The following SLC12A8 variants were observed in gnomAD, a reference collection of about 807,000 sequenced individuals.
The protein encoded by SLC12A8 is cation-chloride cotransporter 9.
A neutral mutation model predicts 75.6 loss-of-function variants in SLC12A8; 69 were observed. That is an observed-to-expected ratio of 0.91 (90% CI 0.75 to 1.11). The LOEUF (loss-of-function observed/expected upper bound fraction) is 1.11. Ranked by LOEUF, SLC12A8 falls within the 50% of genes most tolerant of loss-of-function variation. The probability of loss-of-function intolerance (pLI) is 0.00; values close to 1 mark genes in which losing one functional copy is unlikely to be tolerated. For missense variants in SLC12A8, 877 were observed against 896.7 expected (o/e 0.98, Z 0.28); for synonymous variants, 365 against 372.8 (o/e 0.98, Z 0.24).
At chr3:125,125,870 A>T in intron 6 of SLC12A8, 2 of 907,670 alleles carry the variant, frequency 2.2e-6, no homozygotes, top group Non-Finnish European at 2.6e-6. Flanking sequence ...ATGTGGGGTT[A>T]CATACCCACA....
intron 6 of SLC12A8, among the ~76,000 whole-genome samples, chr3:125,126,890 CT>C (rs5852442): frequency 0.018 from 2,674 of 147,586 alleles, 26 homozygotes; most frequent in Non-Finnish European, 0.027. Flanking sequence ...CATCTGCTGC[CT>C]TTTTTTTTTT....
intron 5 of SLC12A8, among the ~76,000 whole-genome samples, chr3:125,172,259 C>A (rs1447382110): frequency 1.5e-5 from 2 of 132,802 alleles, no homozygotes; most frequent in African/African-American, 5.7e-5. Context: ...GGGTGACAAG[C>A]ACAAAACTCC....
At chr3:125,102,678 A>G (rs948666145) in intron 10 of SLC12A8, among the ~76,000 whole-genome samples, 4 of 152,212 alleles carry the variant, frequency 2.6e-5, no homozygotes, top group African/African-American at 4.8e-5. Flanking sequence ...GCAGCTGGAC[A>G]GCGACCACTT....
intron 10 of SLC12A8, among the ~76,000 whole-genome samples, chr3:125,106,586 G>A (rs1939031414): frequency 6.6e-6 from 1 of 152,154 alleles, no homozygotes; most frequent in South Asian, 2.1e-4. Flanking sequence ...TGTATTTTTA[G>A]TAGAGACAAG....
chr3:125,194,137 A>G (rs1183719056), intron 2 of SLC12A8, among the ~76,000 whole-genome samples: 1 of 152,220 alleles, frequency 6.6e-6, no homozygotes, highest in Non-Finnish European at 1.5e-5. Flanking sequence ...AGCATAAAAC[A>G]TGCCTGAGGG....
chr3:125,128,477 GCC>G (rs1328312486), intron 6 of SLC12A8, among the ~76,000 whole-genome samples: 2 of 116,162 alleles, frequency 1.7e-5, no homozygotes, highest in Admixed American at 1.9e-4. Flanking sequence ...ACCGCGCCCG[GCC>G]TTTTTTTTTT....
intron 13 of SLC12A8, among the ~76,000 whole-genome samples, chr3:125,084,899 T>G (rs1399887223): frequency 6.6e-6 from 1 of 152,234 alleles, no homozygotes; most frequent in Non-Finnish European, 1.5e-5. Flanking sequence ...CTTAAAATTT[T>G]TACTCTAAAA....
chr3:125,145,014 C>T (rs1412561655), intron 5 of SLC12A8, among the ~76,000 whole-genome samples: 1 of 152,198 alleles, frequency 6.6e-6, no homozygotes, highest in African/African-American at 2.4e-5. Flanking sequence ...AGAAACAAAG[C>T]AGGGCCTCCC....
intron 5 of SLC12A8, among the ~76,000 whole-genome samples, chr3:125,155,568 G>A (rs1162797647): frequency 4.0e-5 from 6 of 149,754 alleles, no homozygotes; most frequent in Non-Finnish European, 5.9e-5. Flanking sequence ...TCAGGAGATC[G>A]AGACCATCCT....
At chr3:125,159,930 C>G (rs375301528) in intron 5 of SLC12A8, among the ~76,000 whole-genome samples, 2 of 152,276 alleles carry the variant, frequency 1.3e-5, no homozygotes, top group East Asian at 3.9e-4. Flanking sequence ...GGAGATGCAA[C>G]TGGAAAGAAG....
intron 2 of SLC12A8, among the ~76,000 whole-genome samples, chr3:125,199,332 G>GT (rs1278095830): frequency 2.0e-5 from 3 of 152,076 alleles, no homozygotes; most frequent in Non-Finnish European, 4.4e-5. Context: ...AGTATGTGGG[G>GT]TTTTTTATTG....
chr3:125,096,111 T>A (rs572881167), intron 10 of SLC12A8, among the ~76,000 whole-genome samples: 1 of 152,360 alleles, frequency 6.6e-6, no homozygotes, highest in South Asian at 2.1e-4. Context: ...CCATTCTTGA[T>A]GAGTTGCCAG....
At position 125,091,473 on chromosome 3, in the gene SLC12A8, G is replaced by C. The variant is rs368902881; in HGVS notation, c.1887C>G (p.Phe629Leu). The C allele has an allele frequency of 9.9e-6, 16 of 1,613,880 alleles. No homozygotes were observed. The highest frequency in any genetic ancestry group is 1.3e-5 in the African/African-American group (1 of 75,002). ...VNMGVAAIVY[F>L]YIGRASPGLH... ...GCCCTGGACTGGCCCGGCCAATGTAGAAATACACGATGGCAGCAACACCCA... is the reference window on the plus strand; with the variant it reads ...GCCCTGGACTGGCCCGGCCAATGTACAAATACACGATGGCAGCAACACCCA... Residue 629 changes from phenylalanine (F) to leucine (L), a missense_variant, in exon 12 of 14, where the codon TTC becomes TTG. Coordinates refer to ENST00000469902, the MANE Select transcript of SLC12A8 (RefSeq NM_024628.6).
intron 5 of SLC12A8, among the ~76,000 whole-genome samples, chr3:125,158,443 A>C (rs1346083234): frequency 6.6e-6 from 1 of 151,730 alleles, no homozygotes; most frequent in African/African-American, 2.4e-5. Flanking sequence ...ATGGTCTCCA[A>C]CTCCTGACCT....
chr3:125,183,050 C>T (rs1934700516), intron 4 of SLC12A8, among the ~76,000 whole-genome samples: 1 of 152,040 alleles, frequency 6.6e-6, no homozygotes, highest in South Asian at 2.1e-4. Context: ...TATGTTTACG[C>T]AAAAACTAAA....
chr3:125,115,293 G>A (rs1175239099), intron 8 of SLC12A8, among the ~76,000 whole-genome samples: 4 of 152,088 alleles, frequency 2.6e-5, no homozygotes, highest in Admixed American at 6.5e-5. Flanking sequence ...AGACTGAGGC[G>A]GGTGGATCAC....
intron 4 of SLC12A8, among the ~76,000 whole-genome samples, chr3:125,180,313 G>A (rs1355155504): frequency 2.0e-5 from 3 of 152,148 alleles, no homozygotes; most frequent in Non-Finnish European, 4.4e-5. Flanking sequence ...TAACCCCTCC[G>A]TGAAATACAG....
intron 5 of SLC12A8, among the ~76,000 whole-genome samples, chr3:125,157,836 C>G (rs989194483): frequency 5.9e-5 from 9 of 152,172 alleles, no homozygotes; most frequent in Non-Finnish European, 1.3e-4. Context: ...AAAATACTGA[C>G]CCAGGAAATG....
intron 6 of SLC12A8, among the ~76,000 whole-genome samples, chr3:125,124,380 G>C (rs1408714586): frequency 6.6e-6 from 1 of 152,122 alleles, no homozygotes; most frequent in Non-Finnish European, 1.5e-5. Flanking sequence ...AAGCTGGAGT[G>C]CAATAGTGTG....
Sources: allele counts gnomAD v4.1 joint callset (sites outside exome capture counted in the v4.1 genomes callset), GRCh38; gene constraint gnomAD v4.1.1; transcripts MANE v1.5; gene names NCBI Gene and HGNC (gene_info 2026-07-23, HGNC 2026-07-21).